The following STK39 variants were observed in gnomAD, a reference collection of about 807,000 sequenced individuals.
STK39 encodes STE20/SPS1-related proline-alanine-rich protein kinase.
Under a neutral mutation model 77.8 loss-of-function variants are expected in STK39, and 20 were observed. That is an observed-to-expected ratio of 0.26 (90% CI 0.18 to 0.37). The LOEUF (loss-of-function observed/expected upper bound fraction) is 0.37. Ranked by LOEUF, STK39 falls within the 10% of genes least tolerant of loss-of-function variation. The pLI is 1.00. For synonymous variants in STK39, 246 were observed against 234.1 expected (o/e 1.05, Z -0.47); for missense variants, 479 against 656.5 (o/e 0.73, Z 2.95).
At chr2:168,115,515 T>A (rs1414768192) in intron 10 of STK39, among the ~76,000 whole-genome samples, 1 of 152,208 alleles carries the variant, frequency 6.6e-6, no homozygotes, top group East Asian at 1.9e-4. Flanking sequence ...ATGATGTTCA[T>A]CCCAGTGTGG....
At chr2:168,191,926 G>T (rs1019478768) in intron 1 of STK39, among the ~76,000 whole-genome samples, 1 of 152,114 alleles carries the variant, frequency 6.6e-6, no homozygotes, top group Non-Finnish European at 1.5e-5. Context: ...AGGAGGTGGT[G>T]GTTATTAGAC....
rs570188802 is a variant in STK39 at position 168,226,930 on chromosome 2, G to A, written c.208+20298C>T. ...TAAAGGAATTAGTTAAGTAAATTCA[G>A]CTGCACTCATAGAATAGCAATGGAT... On this transcript the variant is annotated intron_variant, in intron 1 of 17. Coordinates refer to ENST00000355999, the MANE Select transcript of STK39 (RefSeq NM_013233.3). 1.4e-4 allele frequency among the ~76,000 whole-genome samples: 21 copies of A among 152,316 alleles called. No homozygotes were observed. In the South Asian group the frequency reaches 2.3e-3, roughly 17 times the overall value.
At chr2:168,158,573 A>T (rs895835331) in intron 5 of STK39, among the ~76,000 whole-genome samples, 1 of 152,156 alleles carries the variant, frequency 6.6e-6, no homozygotes, top group Non-Finnish European at 1.5e-5. Flanking sequence ...AGGTCATTTA[A>T]ATCCAGATTT....
intron 1 of STK39, among the ~76,000 whole-genome samples, chr2:168,208,273 T>G (rs1229017160): frequency 6.6e-6 from 1 of 152,240 alleles, no homozygotes; most frequent in Non-Finnish European, 1.5e-5. Context: ...CAACAAGATT[T>G]AAGGATCTGC....
intron 14 of STK39, among the ~76,000 whole-genome samples, chr2:168,022,908 C>T (rs149657647): frequency 1.3e-5 from 2 of 152,236 alleles, no homozygotes; most frequent in East Asian, 1.9e-4. Context: ...AACTGAAATT[C>T]GTTTTTTTCA....
intron 1 of STK39, among the ~76,000 whole-genome samples, chr2:168,188,959 C>G (rs971515521): frequency 6.6e-6 from 1 of 152,210 alleles, no homozygotes; most frequent in Non-Finnish European, 1.5e-5. Flanking sequence ...CAGCTACAAA[C>G]TGGTGACCCT....
chr2:168,182,578 G>A (rs147456910), intron 1 of STK39, among the ~76,000 whole-genome samples: 66 of 152,284 alleles, frequency 4.3e-4, no homozygotes, highest in African/African-American at 1.5e-3. Flanking sequence ...GTATTCTCAT[G>A]TTGAAAGCAC....
Position 168,245,226 on chromosome 2 carries a change from A to G in STK39, c.208+2002T>C, listed in dbSNP as rs567986095. Among the ~76,000 whole-genome samples the G allele has an allele frequency of 2.0e-5, 3 of 152,216 alleles. No individual in the cohort carries two copies. In the South Asian group the frequency reaches 6.2e-4, roughly 32 times the overall value. On this transcript the variant is annotated intron_variant, in intron 1 of 17. Transcript: ENST00000355999. ...AAACTCAGACTTAAAACCCAGCTCA[A>G]CTACGACCTCTACTAAGAAATACTC...
At chr2:167,999,758 G>A (rs949913612) in intron 16 of STK39, among the ~76,000 whole-genome samples, 4 of 152,086 alleles carry the variant, frequency 2.6e-5, no homozygotes, top group South Asian at 4.1e-4. Flanking sequence ...CACTGCGCCC[G>A]GCCCGAGATG....
chr2:168,003,614 T>C (rs1684054375), intron 16 of STK39, among the ~76,000 whole-genome samples: 1 of 152,130 alleles, frequency 6.6e-6, no homozygotes, highest in African/African-American at 2.4e-5. Context: ...TAAAAATATA[T>C]AAGAAAAGTA....
At chr2:168,043,393 C>T (rs928840432) in intron 14 of STK39, among the ~76,000 whole-genome samples, 1 of 151,938 alleles carries the variant, frequency 6.6e-6, no homozygotes, top group African/African-American at 2.4e-5. Flanking sequence ...AAAATAAATA[C>T]AAACCCCAGT....
intron 10 of STK39, among the ~76,000 whole-genome samples, chr2:168,077,795 T>C (rs541513583): frequency 1.3e-5 from 2 of 152,076 alleles, no homozygotes; most frequent in Admixed American, 1.3e-4. Flanking sequence ...AGGGAGTTTG[T>C]AGGGATGATG....
intron 10 of STK39, among the ~76,000 whole-genome samples, chr2:168,095,822 C>G (rs548639325): frequency 8.6e-5 from 13 of 152,046 alleles, no homozygotes; most frequent in African/African-American, 3.1e-4. Context: ...TATGACCTTC[C>G]TATATACATA....
At chr2:168,055,502 G>T (rs1250416403) in intron 14 of STK39, among the ~76,000 whole-genome samples, 2 of 152,208 alleles carry the variant, frequency 1.3e-5, no homozygotes, top group Non-Finnish European at 2.9e-5. Flanking sequence ...CCACTCTGCT[G>T]ATCTGGGGTC....
At chr2:168,247,197 G>C (rs1690943131) in intron 1 of STK39, 31 bp downstream of exon 1, 1 of 1,181,370 alleles carries the variant, frequency 8.5e-7, no homozygotes, top group Non-Finnish European at 1.0e-6. Flanking sequence ...CGCCCGGCCT[G>C]TGCCGGCCCC....
intron 1 of STK39, among the ~76,000 whole-genome samples, chr2:168,205,581 G>C (rs1689720704): frequency 6.6e-6 from 1 of 152,122 alleles, no homozygotes. Context: ...GAGGAAGGTG[G>C]GGAGGGACGG....
At chr2:168,096,852 A>G (rs1035226706) in intron 10 of STK39, among the ~76,000 whole-genome samples, 1 of 152,182 alleles carries the variant, frequency 6.6e-6, no homozygotes, top group Non-Finnish European at 1.5e-5. Context: ...CTTGTTCCAT[A>G]TTTATATTCT....
chr2:168,044,129 G>A (rs1318829415), intron 14 of STK39, among the ~76,000 whole-genome samples: 1 of 152,058 alleles, frequency 6.6e-6, no homozygotes, highest in Non-Finnish European at 1.5e-5. Context: ...TCATGAAGTA[G>A]GCAGCAGCAC....
intron 5 of STK39, among the ~76,000 whole-genome samples, chr2:168,156,598 G>A (rs911808191): frequency 2.6e-5 from 4 of 152,108 alleles, no homozygotes; most frequent in African/African-American, 7.2e-5. Flanking sequence ...ATTTCAATAC[G>A]AAAGCAATGA....
Sources: gnomAD v4.1 joint callset for allele counts (sites outside exome capture counted in the v4.1 genomes callset) on GRCh38, gnomAD v4.1.1 for gene constraint, MANE v1.5 for transcripts, NCBI Gene and HGNC (gene_info 2026-07-23, HGNC 2026-07-21) for gene names.